REV1: variants seen among roughly 807,000 people sequenced by gnomAD.
The protein encoded by REV1 is translesion synthesis protein REV1.
REV1 carries 42 observed loss-of-function variants against 137.4 expected under a neutral mutation model. The observed-to-expected ratio is 0.31, with a 90% CI of 0.24 to 0.40. REV1 has a LOEUF of 0.40. Ranked by LOEUF, REV1 falls within the 10% of genes least tolerant of loss-of-function variation. The probability of loss-of-function intolerance (pLI) is 1.00; values close to 1 mark genes in which losing one functional copy is unlikely to be tolerated. For missense variants in REV1, 1,282 were observed against 1,490.1 expected (o/e 0.86, Z 2.30); for synonymous variants, 524 against 519.2 (o/e 1.01, Z -0.12).
chr2:99,439,553 GAAT>G (rs1681208522), intron 5 of REV1, among the ~76,000 whole-genome samples: 1 of 151,626 alleles, frequency 6.6e-6, no homozygotes, highest in Non-Finnish European at 1.5e-5. Context: ...AAAAATTCTA[GAAT>G]ATTAACAGCC....
At chr2:99,482,555 T>C (rs1357309773) in intron 1 of REV1, among the ~76,000 whole-genome samples, 2 of 152,108 alleles carry the variant, frequency 1.3e-5, no homozygotes, top group Non-Finnish European at 2.9e-5. Flanking sequence ...TAACTCTGGG[T>C]AGCAGGTGCC....
chr2:99,447,854 G>C (rs186106843), intron 4 of REV1, among the ~76,000 whole-genome samples: 1 of 152,008 alleles, frequency 6.6e-6, no homozygotes, highest in Non-Finnish European at 1.5e-5. Flanking sequence ...CCAAGTAACC[G>C]GGATTACAGG....
In REV1 at chr2:99,408,042, GAT is replaced by G; in HGVS notation, c.2433_2434del (p.Ser812ArgfsTer16). 1.9e-6 allele frequency: 3 copies of G among 1,582,210 alleles called. No individual in the cohort carries two copies. The highest frequency in any genetic ancestry group is 2.6e-6 in the Non-Finnish European group (3 of 1,157,334). On this transcript the variant is annotated frameshift_variant, in exon 15 of 23. Coordinates refer to ENST00000258428, the MANE Select transcript of REV1 (RefSeq NM_016316.4). LOFTEE classifies it high-confidence loss of function. Reference sequence around the variant, plus strand: ...CTATATACTTACCCCTCTCATATCTGATATATTTAGTTTCATTGTATGAAACA... The same window carrying G: ...CTATATACTTACCCCTCTCATATCTGATATTTAGTTTCATTGTATGAAACA...
In REV1 at chr2:99,446,877, C is replaced by T. The variant is rs552329719; in HGVS notation, c.350+2459G>A. Among the ~76,000 whole-genome samples, 3 of 152,266 alleles carry T rather than the reference C, an allele frequency of 2.0e-5. No individual in the cohort carries two copies. The South Asian group carries it at 6.2e-4, about 32-fold the overall frequency. On this transcript the variant is annotated intron_variant, in intron 4 of 22. Coordinates refer to ENST00000258428, the MANE Select transcript of REV1 (RefSeq NM_016316.4). ...CTCTCCTCCTGTCCACAGAAATTCC[C>T]CATTCCCTCCAAAGCCTAACTATTG...
At position 99,402,639 on chromosome 2, in the gene REV1, C is replaced by T; in HGVS notation, c.3541+5G>A. The T allele has an allele frequency of 6.2e-7, 1 of 1,612,858 alleles. No individual in the cohort carries two copies. The highest frequency in any genetic ancestry group is 8.5e-7 in the Non-Finnish European group (1 of 1,179,200). On this transcript the variant is annotated splice_donor_5th_base_variant and intron_variant, in intron 21 of 22. Transcript: ENST00000258428. Reference sequence around the variant, plus strand: ...CTTGGGCCATCTAACACAGGCCAAGCCAACCTGAAATTGTAGTTATCCATT... The same window carrying T: ...CTTGGGCCATCTAACACAGGCCAAGTCAACCTGAAATTGTAGTTATCCATT...
chr2:99,440,971 G>A (rs1054030003), intron 5 of REV1, among the ~76,000 whole-genome samples: 1 of 152,128 alleles, frequency 6.6e-6, no homozygotes, highest in Non-Finnish European at 1.5e-5. Context: ...AATATCACGG[G>A]TAGAGATACA....
At chr2:99,479,164 C>T (rs1686306022) in intron 1 of REV1, among the ~76,000 whole-genome samples, 2 of 151,692 alleles carry the variant, frequency 1.3e-5, no homozygotes, top group African/African-American at 4.8e-5. Context: ...CCCGTCTCTA[C>T]TAAAAATAAA....
In REV1 at chr2:99,471,176, C is replaced by T. The variant is rs114393753; in HGVS notation, c.-10-6191G>A. 8.1e-3 allele frequency among the ~76,000 whole-genome samples: 1,234 copies of T among 152,292 alleles called. 11 individuals are homozygous for T. The highest frequency in any genetic ancestry group is 1.0e-2 in the Non-Finnish European group (678 of 68,024). ...TTTGGTGCCCTGCCATATCTCTACT[C>T]AACACCTCTCTGTTTTCAGTGCCTC... On this transcript the variant is annotated intron_variant, in intron 1 of 22. Transcript: ENST00000258428.
intron 15 of REV1, among the ~76,000 whole-genome samples, 168 bp downstream of exon 15, chr2:99,407,861 A>G (rs1676557709): frequency 2.0e-5 from 3 of 152,178 alleles, no homozygotes; most frequent in South Asian, 2.1e-4. Flanking sequence ...AGGAGGTCAA[A>G]ATGGAGGAAG....
Position 99,439,164 on chromosome 2 carries a change from T to C in REV1, c.650A>G (p.His217Arg). The C allele has an allele frequency of 6.2e-7, 1 of 1,614,192 alleles. No homozygotes were observed. The highest frequency in any genetic ancestry group is 8.5e-7 in the Non-Finnish European group (1 of 1,180,032). Residue 217 changes from histidine (H) to arginine (R), a missense_variant, in exon 6 of 23, where the codon CAT (histidine) becomes CGT (arginine). This residue lies in a region of REV1 where 432 missense variants were observed against 438.0 expected (regional missense o/e 0.99). Coordinates refer to ENST00000258428, the MANE Select transcript of REV1 (RefSeq NM_016316.4). ...SPGRKQNGIP[H>R]PRGSTAIFNG... ...AAAAATGGCAGTGCTCCCTCTGGGA[T>C]GCGGAATTCCATTCTGTTTCCTTCC...
rs548981306 is a variant in REV1 at position 99,482,080 on chromosome 2, T to C, written c.-11+7737A>G. On this transcript the variant is annotated intron_variant, in intron 1 of 22. Transcript: ENST00000258428. ...AAATGCCAACCATGTGAATAGTGGG[T>C]TGGGCTTTGAGCAACCTGACATCAG... Among the ~76,000 whole-genome samples, 156 of 152,284 alleles carry C rather than the reference T, an allele frequency of 1.0e-3. 1 individual carries two copies. Among genetic ancestry groups the C allele is most frequent in the Middle Eastern group, 0.01 (3 of 294 alleles).
At chr2:99,420,130 G>T (rs17763718) in intron 11 of REV1, among the ~76,000 whole-genome samples, 4,954 of 152,322 alleles carry the variant, frequency 0.033, 98 homozygotes, top group Middle Eastern at 0.058. Flanking sequence ...ATTCCTAAGT[G>T]AAATGTTACC....
intron 1 of REV1, among the ~76,000 whole-genome samples, chr2:99,475,414 T>C (rs1226207141): frequency 6.6e-6 from 1 of 152,218 alleles, no homozygotes; most frequent in Non-Finnish European, 1.5e-5. Flanking sequence ...CTTGGACCAG[T>C]ATAAGCATGC....
At chr2:99,419,717 C>T (rs1424597207) in intron 11 of REV1, among the ~76,000 whole-genome samples, 1 of 152,142 alleles carries the variant, frequency 6.6e-6, no homozygotes, top group Non-Finnish European at 1.5e-5. Flanking sequence ...CAGTGAGGTT[C>T]ACGGTGTAGG....
intron 4 of REV1, among the ~76,000 whole-genome samples, chr2:99,443,978 C>T (rs1183929439): frequency 2.0e-5 from 3 of 152,234 alleles, no homozygotes; most frequent in African/African-American, 7.2e-5. Flanking sequence ...GCCACCACGC[C>T]CGGCTAATTT....
chr2:99,406,198 T>G (rs1676272839), intron 16 of REV1, 92 bp from the exon 17 acceptor site: 2 of 1,379,232 alleles, frequency 1.5e-6, no homozygotes, highest in African/African-American at 2.9e-5. Context: ...ACTTTATTAC[T>G]GATTCATCAT....
intron 13 of REV1, among the ~76,000 whole-genome samples, chr2:99,411,956 G>A (rs567547381): frequency 1.5e-4 from 23 of 151,724 alleles, no homozygotes; most frequent in African/African-American, 1.9e-4. Context: ...ATATCCAGCC[G>A]GGCGCAGTGG....
chr2:99,403,539 A>G, intron 19 of REV1, 156 bp downstream of exon 19: 1 of 882,944 alleles, frequency 1.1e-6, no homozygotes, highest in Non-Finnish European at 1.7e-6. Context: ...ATATGATGAT[A>G]TTTACTCATA....
chr2:99,448,278 A>G (rs537932701), intron 4 of REV1, among the ~76,000 whole-genome samples: 12 of 152,100 alleles, frequency 7.9e-5, no homozygotes, highest in African/African-American at 2.9e-4. Context: ...ACTGATTATA[A>G]TCTATCCATA....
Sources: gnomAD v4.1 joint callset for allele counts (sites outside exome capture counted in the v4.1 genomes callset) on GRCh38, gnomAD v4.1.1 for gene constraint, gnomAD v4.1.1 regional missense constraint, MANE v1.5 for transcripts, NCBI Gene and HGNC (gene_info 2026-07-23, HGNC 2026-07-21) for gene names.